The following POU2F3 variants were observed in gnomAD, a reference collection of about 807,000 sequenced individuals.
POU2F3 encodes the protein POU class 2 homeobox 3.
Under a neutral mutation model 59.2 loss-of-function variants are expected in POU2F3, and 23 were observed. That is an observed-to-expected ratio of 0.39 (90% CI 0.28 to 0.55). The LOEUF is 0.55. Ranked by LOEUF, POU2F3 falls within the 20% of genes least tolerant of loss-of-function variation. The pLI is 0.66. For missense variants in POU2F3, 473 were observed against 544.5 expected (o/e 0.87, Z 1.31); for synonymous variants, 190 against 214.6 (o/e 0.89, Z 1.00).
At chr11:120,294,550 A>G (rs1941130409) in intron 3 of POU2F3, among the ~76,000 whole-genome samples, 1 of 152,178 alleles carries the variant, frequency 6.6e-6, no homozygotes, top group Admixed American at 6.5e-5. Context: ...AAGTCTCTCT[A>G]TCTCATCTTC....
chr11:120,258,764 G>T (rs1262557942), intron 2 of POU2F3, among the ~76,000 whole-genome samples: 1 of 152,152 alleles, frequency 6.6e-6, no homozygotes, highest in Admixed American at 6.5e-5. Context: ...TCTGAAACCT[G>T]GTGCCGTCTG....
chr11:120,308,976 A>AAAAAAAAAG (rs1941578361), intron 9 of POU2F3, among the ~76,000 whole-genome samples: 3 of 142,676 alleles, frequency 2.1e-5, no homozygotes, highest in Non-Finnish European at 4.5e-5. Flanking sequence ...AAAAAAAAAA[A>AAAAAAAAAG]GAAATGACAA....
At chr11:120,238,614 A>G (rs947762295), upstream of POU2F3, among the ~76,000 whole-genome samples, 1 of 152,122 alleles carries the variant, frequency 6.6e-6, no homozygotes, top group Admixed American at 6.5e-5. Flanking sequence ...AGGCGGGTGG[A>G]TCACGAGGTC....
chr11:120,298,397 C>T lies in POU2F3; in HGVS notation c.258+7C>T. On this transcript the variant is annotated splice_region_variant and intron_variant, in intron 4 of 12. Transcript: ENST00000543440. ...AAATGCCAGCCCATGTCAGGTAACA[C>T]TGTGATTTTCACAGTGGGCCAGTGT... The T allele has an allele frequency of 6.2e-7, 1 of 1,613,322 alleles. No individual in the cohort carries two copies. The highest frequency in any genetic ancestry group is 8.5e-7 in the Non-Finnish European group (1 of 1,179,744).
intron 1 of POU2F3, among the ~76,000 whole-genome samples, chr11:120,241,706 G>T (rs1229112343): frequency 6.6e-6 from 1 of 152,194 alleles, no homozygotes; most frequent in African/African-American, 2.4e-5. Context: ...AGAAAGGTGG[G>T]CTTAGCAGTG....
At chr11:120,269,402 C>T (rs1183275695) in intron 3 of POU2F3, among the ~76,000 whole-genome samples, 158 bp downstream of exon 3, 1 of 152,220 alleles carries the variant, frequency 6.6e-6, no homozygotes, top group East Asian at 1.9e-4. Flanking sequence ...CAACCTCCCA[C>T]CCTAACCCAT....
chr11:120,307,284 G>A (rs908041592), intron 8 of POU2F3, among the ~76,000 whole-genome samples, 195 bp from the exon 9 acceptor site: 5 of 152,206 alleles, frequency 3.3e-5, no homozygotes, highest in South Asian at 4.1e-4. Context: ...GGAGGGCCAC[G>A]GAGGGCCTTT....
intron 3 of POU2F3, among the ~76,000 whole-genome samples, chr11:120,289,976 G>A (rs904273575): frequency 2.6e-5 from 4 of 152,274 alleles, no homozygotes; most frequent in African/African-American, 7.2e-5. Flanking sequence ...GTATACAGTA[G>A]GTGCTTGGTA....
intron 2 of POU2F3, among the ~76,000 whole-genome samples, chr11:120,254,577 A>T (rs1939255888): frequency 6.6e-6 from 1 of 152,196 alleles, no homozygotes; most frequent in South Asian, 2.1e-4. Flanking sequence ...AAAGGGGGAA[A>T]AGCAGGAGCC....
At chr11:120,255,496 G>C (rs1219527555) in intron 2 of POU2F3, among the ~76,000 whole-genome samples, 2 of 152,146 alleles carry the variant, frequency 1.3e-5, no homozygotes, top group Non-Finnish European at 2.9e-5. Flanking sequence ...CTCAAAGCCT[G>C]TTGGGGTGGG....
At chr11:120,317,145 ATTTG>A (rs1419232492) in intron 11 of POU2F3, 80 bp from the exon 12 acceptor site, 7 of 1,532,196 alleles carry the variant, frequency 4.6e-6, no homozygotes, top group Non-Finnish European at 6.3e-6. Flanking sequence ...ACACCAGGAA[ATTTG>A]TGTCTGAGGG....
chr11:120,293,827 C>T (rs892036539), intron 3 of POU2F3, among the ~76,000 whole-genome samples: 3 of 152,134 alleles, frequency 2.0e-5, no homozygotes. Context: ...GCCAGAAGAC[C>T]ACCTTTTCCG....
intron 5 of POU2F3, chr11:120,301,252 G>C (rs1402048171): frequency 2.9e-6 from 1 of 346,656 alleles, no homozygotes; most frequent in Admixed American, 3.8e-5. Flanking sequence ...TAATAGCAAG[G>C]CTCTGCCTCA....
chr11:120,289,258 C>G (rs546876368), intron 3 of POU2F3, among the ~76,000 whole-genome samples: 1 of 152,188 alleles, frequency 6.6e-6, no homozygotes, highest in African/African-American at 2.4e-5. Context: ...AAAAGAGAAA[C>G]CTTTAGGGGT....
In POU2F3 at chr11:120,240,159, C is replaced by CGTT; in HGVS notation, c.-184_-183insTTG. On this transcript the variant is annotated 5_prime_UTR_variant, in exon 1 of 13. Transcript: ENST00000543440. ...CTGGGGAGTGTGGCAATCCTGGCGG[C>CGTT]GCCGAGTGTTGCCCGGGCCGGAGCA... is the stretch of plus-strand genomic sequence containing the variant. 5.8e-6 allele frequency: 7 copies of CGTT among 1,206,228 alleles called. No homozygotes were observed. The highest frequency in any genetic ancestry group is 7.2e-6 in the Non-Finnish European group (7 of 967,552). The allele number at this position is 1,206,228 out of a possible 1,614,324, so 74.7% of individuals were successfully genotyped here. A position where few individuals can be genotyped will look rare whatever the true frequency, so the allele number is the denominator to read the frequency against.
upstream of POU2F3, chr11:120,236,761 G>A (rs1938512262): frequency 2.9e-6 from 4 of 1,402,740 alleles, no homozygotes; most frequent in Non-Finnish European, 3.9e-6. Context: ...AATGATCAGT[G>A]AGCAAGTCTG....
rs369163466 is a variant in POU2F3, at chr11:120,299,716, T to C, written c.351T>C (p.Pro117=). ...AGTTCCTGCTATCTCAGACCCAGCC[T>C]GGGCAGCAAGGTAAGAACCCTGGGG... ...VSQFLLSQTQ[P]GQQGLQPNLL... The change falls in exon 5 of 13, where the codon CCT becomes CCC. Residue 117 remains proline, a synonymous_variant. Coordinates refer to ENST00000543440, the MANE Select transcript of POU2F3 (RefSeq NM_014352.4). The C allele has an allele frequency of 1.0e-4, 169 of 1,612,262 alleles. No homozygotes were observed. Among genetic ancestry groups the C allele is most frequent in the Middle Eastern group, 8.2e-4 (5 of 6,076 alleles).
At position 120,291,577 on chromosome 11, in the gene POU2F3, T is replaced by G. The variant is rs148823301; in HGVS notation, c.133-6688T>G. On this transcript the variant is annotated intron_variant, in intron 3 of 12. Transcript: ENST00000543440. ...CTTTGAAGAGTCTATAATTCTATAA[T>G]TCCATCACACACACAGAGAGTGAGG... Among the ~76,000 whole-genome samples, 293 of 152,342 alleles carry G rather than the reference T, an allele frequency of 1.9e-3. 1 individual carries two copies. The highest frequency in any genetic ancestry group is 6.8e-3 in the African/African-American group (281 of 41,586).
chr11:120,295,465 C>T (rs1941168907), intron 3 of POU2F3, among the ~76,000 whole-genome samples: 1 of 152,232 alleles, frequency 6.6e-6, no homozygotes, highest in East Asian at 1.9e-4. Context: ...TGGCAGATGC[C>T]TGGGGGCAGG....
Sources: allele counts gnomAD v4.1 joint callset (sites outside exome capture counted in the v4.1 genomes callset), GRCh38; gene constraint gnomAD v4.1.1; transcripts MANE v1.5; gene names NCBI Gene and HGNC (gene_info 2026-07-23, HGNC 2026-07-21).